CCDC69: variants seen among roughly 807,000 people sequenced by gnomAD.
CCDC69 encodes the protein coiled-coil domain-containing protein 69.
CCDC69 carries 38 observed loss-of-function variants against 40.3 expected under a neutral mutation model. The observed-to-expected ratio is 0.94, with a 90% CI of 0.73 to 1.24. CCDC69 has a LOEUF of 1.24. Among genes scored for constraint, CCDC69 ranks in the 50% most tolerant of loss-of-function variants. CCDC69 has a pLI of 0.00. For missense variants in CCDC69, 389 were observed against 357.9 expected (o/e 1.09, Z -0.70); for synonymous variants, 141 against 138.9 (o/e 1.02, Z -0.11).
At chr5:151,211,715 G>T (rs1472153739) in intron 1 of CCDC69, among the ~76,000 whole-genome samples, 2 of 151,746 alleles carry the variant, frequency 1.3e-5, no homozygotes, top group Non-Finnish European at 2.9e-5. Context: ...GTAGAGACGG[G>T]GTTTCACCAT....
At chr5:151,214,123 C>T (rs1013288890) in intron 1 of CCDC69, among the ~76,000 whole-genome samples, 5 of 152,198 alleles carry the variant, frequency 3.3e-5, no homozygotes, top group Admixed American at 6.5e-5. Flanking sequence ...GAGTCCTTTC[C>T]GTCCCCCTGA....
At chr5:151,210,466 C>T (rs1752930186) in intron 1 of CCDC69, among the ~76,000 whole-genome samples, 1 of 152,120 alleles carries the variant, frequency 6.6e-6, no homozygotes, top group Non-Finnish European at 1.5e-5. Flanking sequence ...ATTGCTTGAA[C>T]CCAGGAGGTG....
rs959394985 is a variant in CCDC69 at position 151,185,339 on chromosome 5, C to A, written c.615+83G>T. 52 of 1,509,358 alleles carry A rather than the reference C, an allele frequency of 3.4e-5. No homozygotes were observed. In the Admixed American group the frequency reaches 9.1e-4, roughly 26 times the overall value. 93.5% of individuals were successfully genotyped at this position (1,509,358 alleles called of 1,614,324 possible). A position where few individuals can be genotyped will look rare whatever the true frequency, so the allele number is the denominator to read the frequency against. On this transcript the variant is annotated intron_variant, in intron 7 of 8. Coordinates refer to ENST00000355417, the MANE Select transcript of CCDC69 (RefSeq NM_015621.3). Reference sequence around the variant, plus strand: ...CTAGGCTGGGACCTCCTCAAACCACCTCCCCTCTGCATGCTTTACAAAGGA... The same window carrying A: ...CTAGGCTGGGACCTCCTCAAACCACATCCCCTCTGCATGCTTTACAAAGGA...
chr5:151,184,018 A>C (rs1320920986), intron 8 of CCDC69, among the ~76,000 whole-genome samples: 1 of 152,248 alleles, frequency 6.6e-6, no homozygotes, highest in Non-Finnish European at 1.5e-5. Context: ...GCTCTTATTT[A>C]CTAAGCCCTA....
At chr5:151,198,424 A>G (rs1752731548) in intron 4 of CCDC69, among the ~76,000 whole-genome samples, 1 of 152,056 alleles carries the variant, frequency 6.6e-6, no homozygotes, top group African/African-American at 2.4e-5. Flanking sequence ...TATGTTGCCC[A>G]GGTTAGTCTT....
At chr5:151,196,028 G>C (rs141971106) in intron 4 of CCDC69, among the ~76,000 whole-genome samples, 4 of 152,098 alleles carry the variant, frequency 2.6e-5, no homozygotes, top group Non-Finnish European at 5.9e-5. Flanking sequence ...TGTACTTTAC[G>C]GTCTTGCCTT....
chr5:151,191,926 T>C (rs57925054), intron 4 of CCDC69, among the ~76,000 whole-genome samples: 3,457 of 150,934 alleles, frequency 0.023, 57 homozygotes, highest in African/African-American at 0.043. Flanking sequence ...CTGTTAAAAA[T>C]TTAAAAATTA....
intron 1 of CCDC69, among the ~76,000 whole-genome samples, chr5:151,223,566 G>A (rs1209563138): frequency 6.6e-6 from 1 of 152,194 alleles, no homozygotes; most frequent in Non-Finnish European, 1.5e-5. Flanking sequence ...GGAGGAAGCC[G>A]AAGGCCCAGA....
In CCDC69 at chr5:151,187,587, C is replaced by T. The variant is rs1752542957; in HGVS notation, c.320-128G>A. ...TAGAGGCCAGGAGTCTAGGAACGGT[C>T]TTATTCATCCTTCTGTCTCCTAGGC... On this transcript the variant is annotated intron_variant, in intron 4 of 8. Coordinates refer to ENST00000355417, the MANE Select transcript of CCDC69 (RefSeq NM_015621.3). 30 of 669,598 alleles carry T rather than the reference C, an allele frequency of 4.5e-5. 1 individual carries two copies. The highest frequency in any genetic ancestry group is 7.4e-5 in the Non-Finnish European group (28 of 380,894). The allele number at this position is 669,598 out of a possible 1,614,324, so 41.5% of individuals were successfully genotyped here.
chr5:151,215,206 C>T (rs1753019332), intron 1 of CCDC69, among the ~76,000 whole-genome samples: 1 of 152,188 alleles, frequency 6.6e-6, no homozygotes, highest in South Asian at 2.1e-4. Context: ...AAGGCCAGAG[C>T]CAAGGTCCTA....
chr5:151,211,816 G>A (rs897043040), intron 1 of CCDC69, among the ~76,000 whole-genome samples: 2 of 151,950 alleles, frequency 1.3e-5, no homozygotes, highest in Admixed American at 6.6e-5. Context: ...TAGCCACCAC[G>A]CCTGGCCGGA....
intron 1 of CCDC69, among the ~76,000 whole-genome samples, chr5:151,206,022 A>G (rs1219490214): frequency 1.3e-5 from 2 of 152,020 alleles, no homozygotes; most frequent in Non-Finnish European, 2.9e-5. Context: ...GGTGTCCTCT[A>G]ATTCAATTCT....
At chr5:151,203,420 G>C (rs956445051) in intron 2 of CCDC69, among the ~76,000 whole-genome samples, 2 of 151,376 alleles carry the variant, frequency 1.3e-5, no homozygotes, top group Admixed American at 6.6e-5. Flanking sequence ...TGAAGCAGGA[G>C]AATTGCTTGA....
At chr5:151,194,297 C>T (rs1322893449) in intron 4 of CCDC69, among the ~76,000 whole-genome samples, 13 of 152,120 alleles carry the variant, frequency 8.5e-5, no homozygotes, top group Non-Finnish European at 1.9e-4. Flanking sequence ...TGTCCTGCAA[C>T]AGTGAATGAG....
intron 2 of CCDC69, among the ~76,000 whole-genome samples, chr5:151,203,775 T>C (rs1312011515): frequency 3.3e-4 from 45 of 137,358 alleles, no homozygotes; most frequent in African/African-American, 1.1e-3. Context: ...AGTATATATA[T>C]ACTAATAAAT....
chr5:151,206,940 T>G (rs1360924689), intron 1 of CCDC69, among the ~76,000 whole-genome samples: 2 of 150,962 alleles, frequency 1.3e-5, no homozygotes, highest in African/African-American at 4.9e-5. Flanking sequence ...TTTTTTTACT[T>G]TTTGAGACAG....
At chr5:151,186,954 C>T (rs944549094) in intron 5 of CCDC69, among the ~76,000 whole-genome samples, 10 of 151,938 alleles carry the variant, frequency 6.6e-5, no homozygotes, top group African/African-American at 2.4e-4. Context: ...TTTTTTTCTG[C>T]CTGAGGCACC....
chr5:151,183,301 C>T lies in CCDC69; in HGVS notation c.*136G>A, dbSNP rs1162828914. 9.9e-7 allele frequency: 1 copy of T among 1,013,446 alleles called. No individual in the cohort carries two copies. Among genetic ancestry groups the T allele is most frequent in the Admixed American group, 2.0e-5 (1 of 50,360 alleles). 62.8% of individuals were successfully genotyped at this position (1,013,446 alleles called of 1,614,324 possible). A position where few individuals can be genotyped will look rare whatever the true frequency, so the allele number is the denominator to read the frequency against. On this transcript the variant is annotated 3_prime_UTR_variant, in exon 9 of 9. Coordinates refer to ENST00000355417, the MANE Select transcript of CCDC69 (RefSeq NM_015621.3). Reference sequence around the variant, plus strand: ...TCAAGGCCCCAGGGCTCACTGGGCACACACCCAGGATCTCCATCTCGCTCC... The same window carrying T: ...TCAAGGCCCCAGGGCTCACTGGGCATACACCCAGGATCTCCATCTCGCTCC...
chr5:151,187,680 A>G lies in CCDC69; in HGVS notation c.320-221T>C, dbSNP rs560274561. Among the ~76,000 whole-genome samples, 6 of 152,300 alleles carry G rather than the reference A, an allele frequency of 3.9e-5. No individual in the cohort carries two copies. The South Asian group carries it at 1.2e-3, about 32-fold the overall frequency. Reference sequence around the variant, plus strand: ...AACCTCAAGGAAATTGAAATAAACTATAGCCTGGGAGGAACGCTACCAGAT... The same window carrying G: ...AACCTCAAGGAAATTGAAATAAACTGTAGCCTGGGAGGAACGCTACCAGAT... On this transcript the variant is annotated intron_variant, in intron 4 of 8. Transcript: ENST00000355417.
Sources: gnomAD v4.1 joint callset for allele counts (sites outside exome capture counted in the v4.1 genomes callset) on GRCh38, gnomAD v4.1.1 for gene constraint, MANE v1.5 for transcripts, NCBI Gene and HGNC (gene_info 2026-07-23, HGNC 2026-07-21) for gene names.